Variants in DSCAML1 observed in about 807,000 individuals in gnomAD.
The protein encoded by DSCAML1 is DS cell adhesion molecule like 1, also known as cell adhesion molecule DSCAML1.
DSCAML1 carries 38 observed loss-of-function variants against 200.5 expected under a neutral mutation model. The observed-to-expected ratio is 0.19, with a 90% confidence interval of 0.15 to 0.25. The LOEUF (loss-of-function observed/expected upper bound fraction) is 0.25, where lower values mean the gene tolerates loss of function less well. Among genes scored for constraint, DSCAML1 ranks in the 10% least tolerant of loss-of-function variants. The pLI, the probability that DSCAML1 is intolerant of heterozygous loss-of-function variation, is 1.00. For synonymous variants in DSCAML1, 1,215 were observed against 1,165.0 expected, an observed-to-expected ratio of 1.04 and a Z score of -0.87; for missense variants, 2,223 against 2,858.8, an observed-to-expected ratio of 0.78 and a Z score of 5.07.
At chr11:117,754,508 G>C (rs2054654224) in intron 3 of DSCAML1, among the ~76,000 whole-genome samples, 1 of 152,100 alleles carries the variant, frequency 6.6e-6, no homozygotes, top group Admixed American at 6.5e-5. Context: ...GGGGGAGCGG[G>C]GGGTGTGAGA....
chr11:117,458,739 G>A lies in DSCAML1; in HGVS notation c.3568+15C>T. ...TGGCAGGGCCAGCCTGTCCCAAGGA[G>A]AGGCCTGGACTCACCGTCCTCCTTG... is the stretch of plus-strand genomic sequence containing the variant. On this transcript the variant is annotated intron_variant, in intron 19 of 32. Transcript: ENST00000651296. The A allele has an allele frequency of 6.2e-7, 1 of 1,610,664 alleles. No individual in the cohort carries two copies. Among genetic ancestry groups the A allele is most frequent in the Non-Finnish European group, 8.5e-7 (1 of 1,179,692 alleles).
Position 117,433,270 on chromosome 11 carries a change from G to A in DSCAML1, c.4908-14C>T. On this transcript the variant is annotated splice_polypyrimidine_tract_variant and intron_variant, in intron 28 of 32. Coordinates refer to ENST00000651296, the MANE Select transcript of DSCAML1 (RefSeq NM_020693.4). Reference sequence around the variant, plus strand: ...CTATTGTTCTTGCTGTGGGGAGAAAGACTGGAGGTGGTGGCTCAGCAGCCA... The same window carrying A: ...CTATTGTTCTTGCTGTGGGGAGAAAAACTGGAGGTGGTGGCTCAGCAGCCA... 6.2e-7 allele frequency: 1 copy of A among 1,601,584 alleles called. No individual in the cohort carries two copies. The highest frequency in any genetic ancestry group is 8.5e-7 in the Non-Finnish European group (1 of 1,172,890).
intron 3 of DSCAML1, among the ~76,000 whole-genome samples, chr11:117,691,963 T>A (rs2053502654): frequency 6.6e-6 from 1 of 152,134 alleles, no homozygotes; most frequent in South Asian, 2.1e-4. Context: ...AATGACTTTT[T>A]TTTTAAGCTG....
intron 3 of DSCAML1, among the ~76,000 whole-genome samples, chr11:117,608,133 T>C (rs2051610534): frequency 6.6e-6 from 1 of 152,194 alleles, no homozygotes; most frequent in Non-Finnish European, 1.5e-5. Flanking sequence ...GACAGCAGGA[T>C]GATAGCACCT....
At chr11:117,701,061 T>G (rs1286038413) in intron 3 of DSCAML1, among the ~76,000 whole-genome samples, 1 of 150,944 alleles carries the variant, frequency 6.6e-6, no homozygotes, top group Non-Finnish European at 1.5e-5. Flanking sequence ...AGGTCAGGAG[T>G]TTGAGACCAG....
chr11:117,437,114 C>A lies in DSCAML1; in HGVS notation c.4720+8G>T. 1 of 1,608,584 alleles carries A rather than the reference C, an allele frequency of 6.2e-7. No individual in the cohort carries two copies. Among genetic ancestry groups the A allele is most frequent in the South Asian group, 1.1e-5 (1 of 90,456 alleles). On this transcript the variant is annotated splice_region_variant and intron_variant, in intron 26 of 32. Coordinates refer to ENST00000651296, the MANE Select transcript of DSCAML1 (RefSeq NM_020693.4). This position sits in a 1 kb window ranked among gnomAD's most constrained non-coding sequence, Gnocchi z 5.3. ...CTCTGTACCATCCCTTCCACCCTTG[C>A]GACTCACTGCCATCGTAGTCCAGGG... is the stretch of plus-strand genomic sequence containing the variant.
At chr11:117,752,830 G>T (rs537427432) in intron 3 of DSCAML1, among the ~76,000 whole-genome samples, 1 of 152,228 alleles carries the variant, frequency 6.6e-6, no homozygotes, top group African/African-American at 2.4e-5. Context: ...CCTGTGGTGC[G>T]GCGAGGACAC....
chr11:117,778,327 C>A (rs1474270087), intron 2 of DSCAML1, among the ~76,000 whole-genome samples: 4 of 152,150 alleles, frequency 2.6e-5, no homozygotes, highest in African/African-American at 4.8e-5. Context: ...GGGGAATGGA[C>A]CCTGGAGGGA....
chr11:117,471,181 T>A (rs928866327), intron 15 of DSCAML1, among the ~76,000 whole-genome samples: 3 of 152,140 alleles, frequency 2.0e-5, no homozygotes, highest in African/African-American at 7.2e-5. Flanking sequence ...CTGCATTTTT[T>A]TTTTTTTTGA....
At chr11:117,453,222 A>C (rs1444255467) in intron 19 of DSCAML1, among the ~76,000 whole-genome samples, 1 of 152,246 alleles carries the variant, frequency 6.6e-6, no homozygotes, top group African/African-American at 2.4e-5. Flanking sequence ...GGCTTGAGCC[A>C]CCATGTCCAA....
chr11:117,565,062 C>T (rs907721481), intron 3 of DSCAML1, among the ~76,000 whole-genome samples: 1 of 152,170 alleles, frequency 6.6e-6, no homozygotes, highest in African/African-American at 2.4e-5. Flanking sequence ...CCACTGTGCC[C>T]GGCCAAACCT....
At chr11:117,546,237 A>G (rs2050371413) in intron 3 of DSCAML1, among the ~76,000 whole-genome samples, 1 of 152,240 alleles carries the variant, frequency 6.6e-6, no homozygotes. Context: ...ATGGTAGAGC[A>G]GAGAGAACCC....
At chr11:117,459,567 G>T (rs2048440264) in intron 18 of DSCAML1, among the ~76,000 whole-genome samples, 3 of 152,228 alleles carry the variant, frequency 2.0e-5, no homozygotes, top group Admixed American at 2.0e-4. Flanking sequence ...GATAGCCTTA[G>T]CCAGGAAGGG....
At chr11:117,517,355 A>T (rs2049792803) in intron 7 of DSCAML1, among the ~76,000 whole-genome samples, 1 of 152,162 alleles carries the variant, frequency 6.6e-6, no homozygotes, top group Non-Finnish European at 1.5e-5. Context: ...CTTGCTGGGC[A>T]GATGGCAATC....
Position 117,469,088 on chromosome 11 carries a change from C to T in DSCAML1, c.3024+822G>A, listed in dbSNP as rs1354350440. On this transcript the variant is annotated intron_variant, in intron 16 of 32. Transcript: ENST00000651296. This position sits in a 1 kb window ranked among gnomAD's most constrained non-coding sequence, Gnocchi z 4.1. ...GGCTGGGGCTGCAGACTCTGTGTTGCAGTCTGAGCTCTGTCTCTGCTAGCC... is the reference window on the plus strand; with the variant it reads ...GGCTGGGGCTGCAGACTCTGTGTTGTAGTCTGAGCTCTGTCTCTGCTAGCC... Among the ~76,000 whole-genome samples, 2 of 152,174 alleles carry T rather than the reference C, an allele frequency of 1.3e-5. No homozygotes were observed. The highest frequency in any genetic ancestry group is 6.5e-5 in the Admixed American group (1 of 15,284).
chr11:117,551,509 G>A (rs2050465337), intron 3 of DSCAML1, among the ~76,000 whole-genome samples: 1 of 152,192 alleles, frequency 6.6e-6, no homozygotes, highest in Non-Finnish European at 1.5e-5. Context: ...CTCCCTGCCT[G>A]CACCCTGCTT....
intron 4 of DSCAML1, among the ~76,000 whole-genome samples, chr11:117,527,321 G>A (rs150065163): frequency 2.6e-4 from 39 of 152,234 alleles, no homozygotes; most frequent in African/African-American, 7.2e-4. Flanking sequence ...GCCACCCCAC[G>A]TGACTCTCCA....
rs376765047 is a variant in DSCAML1 at position 117,430,851 on chromosome 11, C to T, written c.5557G>A (p.Asp1853Asn). ...GGTGTGCTCATGGATGTCATGCTGT[C>T]GGCGTTCTCGTTGGTGCCTGTGGTC... Reference protein sequence around the residue: ...QMTTGTNENADSMTSMSTPSE... With the variant: ...QMTTGTNENANSMTSMSTPSE... The change falls in exon 32 of 33, where the codon GAC (aspartate) becomes AAC (asparagine). Residue 1853 changes from aspartate (D) to asparagine (N), a missense_variant. This residue lies in a region of DSCAML1 where 96 missense variants were observed against 160.7 expected (regional missense o/e 0.60). Coordinates refer to ENST00000651296, the MANE Select transcript of DSCAML1 (RefSeq NM_020693.4). 78 of 1,614,028 alleles carry T rather than the reference C, an allele frequency of 4.8e-5. No individual in the cohort carries two copies. Among genetic ancestry groups the T allele is most frequent in the Non-Finnish European group, 6.1e-5 (72 of 1,180,054 alleles).
At chr11:117,506,954 A>C (rs1190856462) in intron 8 of DSCAML1, among the ~76,000 whole-genome samples, 1 of 152,142 alleles carries the variant, frequency 6.6e-6, no homozygotes, top group East Asian at 1.9e-4. Context: ...CTCTGGGCAA[A>C]GCACCATCCA....
Sources: gnomAD v4.1 joint callset for allele counts (sites outside exome capture counted in the v4.1 genomes callset) on GRCh38, gnomAD v4.1.1 for gene constraint, gnomAD v4.1.1 regional missense constraint, Gnocchi (gnomAD v3.1) non-coding constraint, MANE v1.5 for transcripts, NCBI Gene and HGNC (gene_info 2026-07-23, HGNC 2026-07-21) for gene names.